IGSF10: variants seen among roughly 807,000 people sequenced by gnomAD.
The protein encoded by IGSF10 is calvaria mechanical force protein 608.
In IGSF10, 126 loss-of-function variants were observed where a neutral mutation model predicts 128.2. The ratio of observed to expected loss-of-function variants is 0.98; its 90% confidence interval spans 0.85 to 1.14. IGSF10 has a LOEUF of 1.14. Ranked by LOEUF, IGSF10 falls within the 50% of genes most tolerant of loss-of-function variation. The pLI is 0.00. For missense variants in IGSF10, 3,295 were observed against 3,149.8 expected (o/e 1.05, Z -1.10); for synonymous variants, 1,185 against 1,146.2 (o/e 1.03, Z -0.68).
At chr3:151,613,856 A>G in the IGSF10 span, among the ~76,000 whole-genome samples, 17 of 152,210 alleles carry the variant, frequency 1.1e-4, no homozygotes, top group African/African-American at 4.1e-4. Context: ...GCTTCTGCAC[A>G]GCAAAAGAAA....
the IGSF10 span, among the ~76,000 whole-genome samples, chr3:151,612,622 A>C: frequency 6.6e-6 from 1 of 152,202 alleles, no homozygotes; most frequent in Non-Finnish European, 1.5e-5. Context: ...TAATTCAATT[A>C]AAAGAGAGTG....
chr3:151,436,447 A>ATTGT lies in IGSF10; in HGVS notation c.*238_*241dup. 5.3e-6 allele frequency: 2 copies of ATTGT among 376,864 alleles called. No individual in the cohort carries two copies. The highest frequency in any genetic ancestry group is 4.4e-5 in the South Asian group (1 of 22,692). The allele number at this position is 376,864 out of a possible 1,614,324, so 23.3% of individuals were successfully genotyped here. A position where few individuals can be genotyped will look rare whatever the true frequency, so the allele number is the denominator to read the frequency against. On this transcript the variant is annotated 3_prime_UTR_variant, in exon 8 of 8. Coordinates refer to ENST00000282466, the MANE Select transcript of IGSF10 (RefSeq NM_178822.5). ...TAGTGAACCGTTTCAATGTTTGTTT[A>ATTGT]TTGTTATTTGTTGGCAAAATAAAAG...
rs1721109364 is a variant in IGSF10 at position 151,445,193 on chromosome 3, A to G, written c.4788T>C (p.Ala1596=). Reference sequence around the variant, plus strand: ...TGGTGGCCTCGGACAGGCCTGTAGTAGCCAACATGCTTACTTCTGGCTTTT... The same window carrying G: ...TGGTGGCCTCGGACAGGCCTGTAGTGGCCAACATGCTTACTTCTGGCTTTT... ...KGKKPEVSML[A]TTGLSEATTL... Residue 1596 remains alanine (A), a synonymous_variant, in exon 6 of 8, where the codon GCT becomes GCC. Transcript: ENST00000282466. 1 of 1,614,146 alleles carries G rather than the reference A, an allele frequency of 6.2e-7. No homozygotes were observed. Among genetic ancestry groups the G allele is most frequent in the Admixed American group, 1.7e-5 (1 of 60,010 alleles).
At chr3:151,590,504 T>C in the IGSF10 span, among the ~76,000 whole-genome samples, 782 of 152,290 alleles carry the variant, frequency 5.1e-3, 4 homozygotes, top group Non-Finnish European at 7.5e-3. Context: ...CTGTTAAAGA[T>C]AACATTTAGT....
At chr3:151,574,226 T>C in the IGSF10 span, among the ~76,000 whole-genome samples, 1 of 152,178 alleles carries the variant, frequency 6.6e-6, no homozygotes, top group South Asian at 2.1e-4. Flanking sequence ...AGTATCTTTG[T>C]AGTGTTCTCT....
At chr3:151,581,757 G>A in the IGSF10 span, among the ~76,000 whole-genome samples, 6 of 152,152 alleles carry the variant, frequency 3.9e-5, no homozygotes, top group African/African-American at 9.7e-5. Context: ...GTTATTCAAC[G>A]GTGACTGCAT....
intron 2 of IGSF10, among the ~76,000 whole-genome samples, chr3:151,459,867 T>C (rs778883265): frequency 3.3e-5 from 5 of 152,204 alleles, no homozygotes; most frequent in Non-Finnish European, 7.3e-5. Context: ...ACCCTTTAGC[T>C]ACAAACTACA....
the IGSF10 span, among the ~76,000 whole-genome samples, chr3:151,581,734 T>G: frequency 6.6e-6 from 1 of 152,212 alleles, no homozygotes; most frequent in East Asian, 1.9e-4. Flanking sequence ...TTCTTTCAAT[T>G]CTCCATATTT....
chr3:151,539,765 CATCTATCTATCTATCTATCTATCTATCT>C, the IGSF10 span, among the ~76,000 whole-genome samples: 2 of 146,484 alleles, frequency 1.4e-5, no homozygotes, highest in South Asian at 2.3e-4. Context: ...ATTTCAACAG[CATCTATCTATCTATCTATCTATCTATCT>C]ATCTATCTAT....
chr3:151,476,363 C>T, the IGSF10 span, among the ~76,000 whole-genome samples: 10 of 151,968 alleles, frequency 6.6e-5, no homozygotes, highest in African/African-American at 2.2e-4. Context: ...TTTTAATGAG[C>T]GCCTGGGTGT....
At chr3:151,490,788 C>A in the IGSF10 span, among the ~76,000 whole-genome samples, 1 of 151,848 alleles carries the variant, frequency 6.6e-6, no homozygotes, top group African/African-American at 2.4e-5. Flanking sequence ...AATAAGTCAA[C>A]AAATAAATCA....
At chr3:151,435,288 T>C (rs1720018019), downstream of IGSF10, 1 of 152,098 alleles carries the variant, frequency 6.6e-6, no homozygotes, top group South Asian at 2.1e-4. Flanking sequence ...AAGAAGCCCA[T>C]AGACTCTCTT....
chr3:151,464,170 A>G (rs989424897), upstream of IGSF10, among the ~76,000 whole-genome samples: 1 of 152,154 alleles, frequency 6.6e-6, no homozygotes, highest in Non-Finnish European at 1.5e-5. Flanking sequence ...TGTTTCCTGG[A>G]CTACGGTAAT....
chr3:151,571,886 A>T, the IGSF10 span, among the ~76,000 whole-genome samples: 12 of 152,298 alleles, frequency 7.9e-5, no homozygotes, highest in East Asian at 2.3e-3. Flanking sequence ...TTATTTTGAG[A>T]TATGTTCCAT....
the IGSF10 span, among the ~76,000 whole-genome samples, chr3:151,576,832 C>T: frequency 1.3e-5 from 2 of 152,268 alleles, no homozygotes; most frequent in African/African-American, 4.8e-5. Flanking sequence ...TTCCCAGCCC[C>T]TTTCCCAGAA....
At chr3:151,455,818 T>C (rs1265052109) in intron 4 of IGSF10, among the ~76,000 whole-genome samples, 1 of 152,222 alleles carries the variant, frequency 6.6e-6, no homozygotes, top group African/African-American at 2.4e-5. Context: ...TGCTCAGGTA[T>C]TCTCCAATTC....
At chr3:151,543,511 C>T in the IGSF10 span, among the ~76,000 whole-genome samples, 2 of 152,158 alleles carry the variant, frequency 1.3e-5, no homozygotes, top group Non-Finnish European at 2.9e-5. Context: ...CATGCCGTGC[C>T]ATGCCAAGCT....
the IGSF10 span, among the ~76,000 whole-genome samples, chr3:151,468,575 A>G: frequency 6.6e-6 from 1 of 152,184 alleles, no homozygotes; most frequent in Admixed American, 6.5e-5. Context: ...TTGCTCCCGT[A>G]ATACCTTTAA....
the IGSF10 span, among the ~76,000 whole-genome samples, chr3:151,494,278 A>G: frequency 8.1e-6 from 1 of 123,130 alleles, no homozygotes; most frequent in Non-Finnish European, 1.7e-5. Flanking sequence ...AAGCAAAAAG[A>G]AGAAGAAACA....
Sources: allele counts gnomAD v4.1 joint callset (sites outside exome capture counted in the v4.1 genomes callset), GRCh38; gene constraint gnomAD v4.1.1; transcripts MANE v1.5; gene names NCBI Gene and HGNC (gene_info 2026-07-23, HGNC 2026-07-21).